CNTN3: variants seen among roughly 807,000 people sequenced by gnomAD.
CNTN3 encodes the protein contactin-3.
In CNTN3, 60 loss-of-function variants were observed where a neutral mutation model predicts 119.1. That is an observed-to-expected ratio of 0.50 (90% confidence interval 0.41 to 0.62). The LOEUF is 0.62. Among genes scored for constraint, CNTN3 ranks in the 20% least tolerant of loss-of-function variants. The pLI is 0.00. For synonymous variants in CNTN3, 450 were observed against 438.7 expected (o/e 1.03, Z -0.32); for missense variants, 1,101 against 1,242.4 (o/e 0.89, Z 1.71).
At chr3:74,505,347 G>A (rs548074664) in intron 2 of CNTN3, among the ~76,000 whole-genome samples, 1 of 151,990 alleles carries the variant, frequency 6.6e-6, no homozygotes, top group Non-Finnish European at 1.5e-5. Flanking sequence ...ATAAAATGCT[G>A]ACCTTGCTTT....
At position 74,474,713 on chromosome 3, in the gene CNTN3, C is replaced by T. The variant is rs529857316; in HGVS notation, c.358+11743G>A. Among the ~76,000 whole-genome samples the T allele has an allele frequency of 3.9e-5, 6 of 152,168 alleles. No individual in the cohort carries two copies. In the South Asian group the frequency reaches 1.0e-3, roughly 26 times the overall value. ...TTCAGTTTGGATGTGTGTCCTTCCCCAAATCTCATATTGAAATGCAACGCC... is the reference window on the plus strand; with the variant it reads ...TTCAGTTTGGATGTGTGTCCTTCCCTAAATCTCATATTGAAATGCAACGCC... On this transcript the variant is annotated intron_variant, in intron 4 of 22. Coordinates refer to ENST00000263665, the MANE Select transcript of CNTN3 (RefSeq NM_020872.3).
At position 74,612,736 on chromosome 3, in the gene CNTN3, G is replaced by A. The variant is rs551852685; in HGVS notation, c.-81+1655C>T. ...CATTTTGGGGGTCCTCAAACCACAT[G>A]TTTACTCTCAACTAATTTCAAGCAA... On this transcript the variant is annotated intron_variant, in intron 1 of 22. Coordinates refer to ENST00000263665, the MANE Select transcript of CNTN3 (RefSeq NM_020872.3). 4.9e-4 allele frequency among the ~76,000 whole-genome samples: 75 copies of A among 152,264 alleles called. 1 individual carries two copies. Among genetic ancestry groups the A allele is most frequent in the Non-Finnish European group, 7.8e-4 (53 of 68,018 alleles).
intron 2 of CNTN3, among the ~76,000 whole-genome samples, chr3:74,503,137 T>C (rs1471741179): frequency 6.6e-6 from 1 of 152,176 alleles, no homozygotes; most frequent in Non-Finnish European, 1.5e-5. Flanking sequence ...GACCTGACCA[T>C]AGTAACAGAG....
intron 13 of CNTN3, among the ~76,000 whole-genome samples, chr3:74,313,615 T>C (rs1702756214): frequency 6.6e-6 from 1 of 151,934 alleles, no homozygotes; most frequent in South Asian, 2.1e-4. Flanking sequence ...TACGTGGGAG[T>C]CTTCTGTATG....
chr3:74,597,864 A>G (rs73842137), intron 1 of CNTN3, among the ~76,000 whole-genome samples: 2,507 of 152,160 alleles, frequency 0.016, 66 homozygotes, highest in African/African-American at 0.057. Context: ...AGCTGAAAAA[A>G]TTTCTTCAAA....
intron 13 of CNTN3, among the ~76,000 whole-genome samples, chr3:74,314,130 T>A (rs1575718228): frequency 6.6e-6 from 1 of 152,210 alleles, no homozygotes; most frequent in Middle Eastern, 3.4e-3. Flanking sequence ...ACATGCAAAT[T>A]TTGAGAAGAC....
In CNTN3 at chr3:74,364,507, T is replaced by C; in HGVS notation, c.1173A>G (p.Lys391=). 1 of 1,612,712 alleles carries C rather than the reference T, an allele frequency of 6.2e-7. No homozygotes were observed. The highest frequency in any genetic ancestry group is 8.5e-7 in the Non-Finnish European group (1 of 1,179,046). ...CAGCACTGGAATAAACAAGGCCATG[T>C]TTGTTTTCTGCTATGCATTGGAACA... ...SGMFQCIAEN[K]HGLVYSSAEL... Residue 391 remains lysine (K), a synonymous_variant, in exon 10 of 23, where the codon AAA becomes AAG. Coordinates refer to ENST00000263665, the MANE Select transcript of CNTN3 (RefSeq NM_020872.3).
intron 1 of CNTN3, among the ~76,000 whole-genome samples, chr3:74,567,616 G>C (rs1049093984): frequency 6.6e-6 from 1 of 151,988 alleles, no homozygotes; most frequent in African/African-American, 2.4e-5. Flanking sequence ...AGGGAGCAGG[G>C]GGCACTTGCA....
At position 74,576,447 on chromosome 3, in the gene CNTN3, C is replaced by T. The variant is rs13324048; in HGVS notation, c.-81+37944G>A. 8.4e-3 allele frequency among the ~76,000 whole-genome samples: 1,281 copies of T among 152,050 alleles called. 17 individuals are homozygous for T. Among genetic ancestry groups the T allele is most frequent in the African/African-American group, 0.029 (1,216 of 41,474 alleles). ...ATTCCCAAAACTAGACTAGAGTACA[C>T]ACAATTTCTTGAGCAGAGAAAAAAA... is the stretch of plus-strand genomic sequence containing the variant. On this transcript the variant is annotated intron_variant, in intron 1 of 22. Transcript: ENST00000263665.
At chr3:74,581,472 G>T (rs747149725) in intron 1 of CNTN3, among the ~76,000 whole-genome samples, 11 of 152,116 alleles carry the variant, frequency 7.2e-5, no homozygotes, top group Non-Finnish European at 1.3e-4. Flanking sequence ...ATAAATTAAA[G>T]ATAATCTAAA....
chr3:74,264,523 T>G, intron 22 of CNTN3, 22 bp from the exon 23 acceptor site: 1 of 1,479,422 alleles, frequency 6.8e-7, no homozygotes, highest in Non-Finnish European at 9.4e-7. Context: ...GATGAAGAGC[T>G]CATTAATAAG....
chr3:74,289,479 A>G (rs1216433236), intron 19 of CNTN3, among the ~76,000 whole-genome samples: 1 of 152,122 alleles, frequency 6.6e-6, no homozygotes, highest in African/African-American at 2.4e-5. Flanking sequence ...ATCAGCATGC[A>G]TTAGAAATGG....
chr3:74,421,369 C>CGT (rs1457793868), intron 5 of CNTN3, among the ~76,000 whole-genome samples: 2 of 151,688 alleles, frequency 1.3e-5, no homozygotes, highest in Non-Finnish European at 2.9e-5. Flanking sequence ...GGGGTTTTAC[C>CGT]GTGTTGCCCA....
At chr3:74,431,117 C>T (rs1701776655) in intron 4 of CNTN3, among the ~76,000 whole-genome samples, 1 of 152,182 alleles carries the variant, frequency 6.6e-6, no homozygotes, top group Non-Finnish European at 1.5e-5. Context: ...CACTTTGATA[C>T]ACGTCTGTTA....
At chr3:74,604,836 G>T (rs1231250409) in intron 1 of CNTN3, among the ~76,000 whole-genome samples, 2 of 152,132 alleles carry the variant, frequency 1.3e-5, no homozygotes, top group Non-Finnish European at 2.9e-5. Context: ...GTATGTCAGA[G>T]ATATCTGCAC....
chr3:74,365,749 C>T lies in CNTN3; in HGVS notation c.947-47G>A, dbSNP rs1283834429. On this transcript the variant is annotated intron_variant, in intron 8 of 22. Transcript: ENST00000263665. ...AAGAAAAGAAATTTAAACCACCCAG[C>T]AAATAAAATGTATTTATTATTTTAT... 1.9e-6 allele frequency: 3 copies of T among 1,575,784 alleles called. 1 individual carries two copies. Among genetic ancestry groups the T allele is most frequent in the Middle Eastern group, 3.5e-4 (2 of 5,652 alleles).
At chr3:74,594,945 C>G (rs1168710148) in intron 1 of CNTN3, among the ~76,000 whole-genome samples, 2 of 152,108 alleles carry the variant, frequency 1.3e-5, no homozygotes, top group Non-Finnish European at 2.9e-5. Context: ...TCTCCACATC[C>G]TCTCCAGCAC....
At chr3:74,432,582 C>T (rs987559501) in intron 4 of CNTN3, among the ~76,000 whole-genome samples, 1 of 152,054 alleles carries the variant, frequency 6.6e-6, no homozygotes, top group Non-Finnish European at 1.5e-5. Flanking sequence ...TAAAGCATGC[C>T]CACTACAAAA....
chr3:74,426,540 T>C (rs1026407147), intron 4 of CNTN3, among the ~76,000 whole-genome samples: 1 of 152,196 alleles, frequency 6.6e-6, no homozygotes, highest in Admixed American at 6.5e-5. Context: ...CCTATGTGCC[T>C]CACGTTATTG....
Sources: allele counts gnomAD v4.1 joint callset (sites outside exome capture counted in the v4.1 genomes callset), GRCh38; gene constraint gnomAD v4.1.1; transcripts MANE v1.5; gene names NCBI Gene and HGNC (gene_info 2026-07-23, HGNC 2026-07-21).